The following NTRK3 variants were observed in gnomAD, a reference collection of about 807,000 sequenced individuals.
NTRK3 encodes the protein neurotrophic receptor tyrosine kinase 3.
Under a neutral mutation model 91.7 loss-of-function variants are expected in NTRK3, and 24 were observed. The ratio of observed to expected loss-of-function variants is 0.26; its 90% CI spans 0.19 to 0.37. The LOEUF (loss-of-function observed/expected upper bound fraction) is 0.37. NTRK3 is among the 10% of genes least tolerant of loss of function. NTRK3 has a pLI of 1.00. For synonymous variants in NTRK3, 483 were observed against 404.0 expected, an observed-to-expected ratio of 1.20 and a Z score of -2.34; for missense variants, 880 against 1,068.9, an observed-to-expected ratio of 0.82 and a Z score of 2.46.
intron 13 of NTRK3, among the ~76,000 whole-genome samples, chr15:88,121,816 C>T (rs1272361647): frequency 6.6e-6 from 1 of 152,222 alleles, no homozygotes; most frequent in Non-Finnish European, 1.5e-5. Context: ...CACTCTGAAG[C>T]ATTAGACTTC....
At chr15:88,220,005 T>A (rs1451063235) in intron 3 of NTRK3, among the ~76,000 whole-genome samples, 1 of 152,136 alleles carries the variant, frequency 6.6e-6, no homozygotes, top group African/African-American at 2.4e-5. Flanking sequence ...AGCTATCGAC[T>A]GCCAGGAGAG....
chr15:88,005,021 T>G (rs1007659976), intron 14 of NTRK3, among the ~76,000 whole-genome samples: 4 of 152,206 alleles, frequency 2.6e-5, no homozygotes, highest in African/African-American at 9.6e-5. Flanking sequence ...AGAGCTTAAG[T>G]AATTTGTGCA....
intron 5 of NTRK3, among the ~76,000 whole-genome samples, chr15:88,167,894 T>C (rs2045136000): frequency 6.6e-6 from 1 of 152,194 alleles, no homozygotes; most frequent in Non-Finnish European, 1.5e-5. Flanking sequence ...CTATAGTAAC[T>C]GAAAGGCCTA....
intron 16 of NTRK3, among the ~76,000 whole-genome samples, chr15:87,932,701 G>T (rs1303455950): frequency 6.6e-6 from 1 of 152,190 alleles, no homozygotes; most frequent in African/African-American, 2.4e-5. Flanking sequence ...GAATCTTGGA[G>T]TTGTAAGCCA....
chr15:88,032,845 C>T lies in NTRK3; in HGVS notation c.1585+12G>A, dbSNP rs2142016410. The T allele has an allele frequency of 6.2e-7, 1 of 1,613,576 alleles. No homozygotes were observed. The highest frequency in any genetic ancestry group is 8.5e-7 in the Non-Finnish European group (1 of 1,179,754). On this transcript the variant is annotated intron_variant, in intron 14 of 18. Coordinates refer to ENST00000394480, the Ensembl canonical transcript of NTRK3. ...CTCCCCAGGAGGGAGAGCATTCCAT[C>T]CCAGTACTTACACGTGTCCGGCTTG... is the stretch of plus-strand genomic sequence containing the variant.
rs541772098 is a variant in NTRK3, at chr15:88,074,661, G to A, written c.1397-41616C>T. Among the ~76,000 whole-genome samples, 18 of 152,310 alleles carry A rather than the reference G, an allele frequency of 1.2e-4. No individual in the cohort carries two copies. In the East Asian group the frequency reaches 1.4e-3, roughly 11 times the overall value. The stretch of plus-strand genomic sequence containing the variant: ...CTAGTAAATGATGACATCAATAGCC[G>A]TATATGATGTGGTTTTCCTGTGGCT... On this transcript the variant is annotated intron_variant, in intron 13 of 18. Transcript: ENST00000394480.
chr15:88,183,600 G>T, intron 4 of NTRK3, 111 bp from the exon 5 acceptor site: 1 of 989,690 alleles, frequency 1.0e-6, no homozygotes, highest in Non-Finnish European at 1.6e-6. Context: ...GCCGCCCTGT[G>T]GATTATCTAC....
chr15:88,074,009 G>T (rs1019951259), intron 13 of NTRK3, among the ~76,000 whole-genome samples: 2 of 152,222 alleles, frequency 1.3e-5, no homozygotes, highest in African/African-American at 2.4e-5. Flanking sequence ...ATCTGTAGAA[G>T]AAATATACCA....
At chr15:88,149,564 G>A (rs1567531609) in intron 5 of NTRK3, among the ~76,000 whole-genome samples, 1 of 152,160 alleles carries the variant, frequency 6.6e-6, no homozygotes, top group African/African-American at 2.4e-5. Flanking sequence ...AACCCCTAAT[G>A]ACTATACAGC....
Position 87,906,510 on chromosome 15 carries a change from A to G in NTRK3, c.2133+22681T>C, listed in dbSNP as rs551539326. Among the ~76,000 whole-genome samples, 7 of 152,302 alleles carry G rather than the reference A, an allele frequency of 4.6e-5. No homozygotes were observed. In the South Asian group the frequency reaches 1.4e-3, roughly 32 times the overall value. ...GAGATGAAACCCGTGCTGACCATCA[A>G]GCAGACAAGGTATCCTTCCAGTGCC... On this transcript the variant is annotated intron_variant, in intron 17 of 18. Transcript: ENST00000394480.
rs527924526 is a variant in NTRK3, at chr15:88,014,375, A to G, written c.1585+18482T>C. 2.0e-5 allele frequency among the ~76,000 whole-genome samples: 3 copies of G among 152,302 alleles called. No individual in the cohort carries two copies. The South Asian group carries it at 6.2e-4, about 32-fold the overall frequency. On this transcript the variant is annotated intron_variant, in intron 14 of 18. Coordinates refer to ENST00000394480, the Ensembl canonical transcript of NTRK3. ...CCAAATCCTTATGCAGTTTAATATC[A>G]TTGAACTATGTGTTTGGCCCTCAGT...
At chr15:88,065,655 C>A (rs1011482321) in intron 13 of NTRK3, among the ~76,000 whole-genome samples, 1 of 152,162 alleles carries the variant, frequency 6.6e-6, no homozygotes, top group African/African-American at 2.4e-5. Flanking sequence ...CAGCTAGAAA[C>A]TTGATTAGCC....
intron 14 of NTRK3, among the ~76,000 whole-genome samples, chr15:88,021,587 C>CT (rs201183733): frequency 1.9e-4 from 28 of 149,626 alleles, no homozygotes; most frequent in South Asian, 4.2e-4. Flanking sequence ...TACCATGAAA[C>CT]TTTTTTTTTT....
intron 14 of NTRK3, among the ~76,000 whole-genome samples, chr15:87,954,007 AGTGTGTGT>A (rs61653896): frequency 0.047 from 6,029 of 127,694 alleles, 150 homozygotes; most frequent in South Asian, 0.092. Flanking sequence ...AGACCTTTTC[AGTGTGTGT>A]GTGTGTGTGT....
chr15:88,078,045 T>C (rs1597167830), intron 13 of NTRK3, among the ~76,000 whole-genome samples: 1 of 152,192 alleles, frequency 6.6e-6, no homozygotes. Flanking sequence ...AGCAACCCCC[T>C]GCCCAGGGGC....
intron 13 of NTRK3, among the ~76,000 whole-genome samples, chr15:88,092,395 T>C (rs1367162561): frequency 2.6e-5 from 4 of 152,216 alleles, no homozygotes; most frequent in Non-Finnish European, 5.9e-5. Context: ...AAGCAACTGC[T>C]GCACCTTTGG....
At chr15:88,018,062 G>T (rs541447042) in intron 14 of NTRK3, among the ~76,000 whole-genome samples, 1 of 152,284 alleles carries the variant, frequency 6.6e-6, no homozygotes, top group East Asian at 1.9e-4. Flanking sequence ...ACCAGCGACA[G>T]GATAAAAGGA....
At chr15:88,199,558 G>A (rs748174939) in intron 3 of NTRK3, among the ~76,000 whole-genome samples, 104 of 152,302 alleles carry the variant, frequency 6.8e-4, no homozygotes, top group Middle Eastern at 3.4e-3. Context: ...GAGGCCCAAG[G>A]CACCATCCCA....
At chr15:88,019,063 A>C (rs1447804399) in intron 14 of NTRK3, among the ~76,000 whole-genome samples, 1 of 152,124 alleles carries the variant, frequency 6.6e-6, no homozygotes, top group Non-Finnish European at 1.5e-5. Flanking sequence ...ACAAGCAGAA[A>C]TGTTTCATCA....
Sources: gnomAD v4.1 joint callset for allele counts (sites outside exome capture counted in the v4.1 genomes callset) on GRCh38, gnomAD v4.1.1 for gene constraint, MANE v1.5 for transcripts, NCBI Gene and HGNC (gene_info 2026-07-23, HGNC 2026-07-21) for gene names.